BMPR1B: variants seen among roughly 807,000 people sequenced by gnomAD.
BMPR1B encodes the protein bone morphogenetic protein receptor type-1B.
BMPR1B carries 12 observed loss-of-function variants against 59.1 expected under a neutral mutation model. That is an observed-to-expected ratio of 0.20 (90% CI 0.13 to 0.33). BMPR1B has a LOEUF of 0.33. BMPR1B is among the 10% of genes least tolerant of loss of function. BMPR1B has a pLI of 1.00. For missense variants in BMPR1B, 550 were observed against 610.9 expected (o/e 0.90, Z 1.05); for synonymous variants, 237 against 207.3 (o/e 1.14, Z -1.23).
chr4:94,820,040 A>C (rs764082185), intron 1 of BMPR1B, among the ~76,000 whole-genome samples: 3 of 152,144 alleles, frequency 2.0e-5, no homozygotes, highest in Admixed American at 6.5e-5. Flanking sequence ...GAATGAATTG[A>C]ATTTGCCTGA....
intron 3 of BMPR1B, among the ~76,000 whole-genome samples, chr4:95,088,743 G>A (rs1335045880): frequency 3.3e-5 from 5 of 151,654 alleles, no homozygotes; most frequent in South Asian, 2.1e-4. Context: ...ATCATAAATC[G>A]GGCCTATTCA....
intron 2 of BMPR1B, among the ~76,000 whole-genome samples, chr4:94,910,380 G>T (rs1728227568): frequency 6.6e-6 from 1 of 152,066 alleles, no homozygotes. Flanking sequence ...TCAGGTGATA[G>T]TAGTGCTTGG....
chr4:94,948,087 G>A (rs1729786858), intron 2 of BMPR1B, among the ~76,000 whole-genome samples: 1 of 152,138 alleles, frequency 6.6e-6, no homozygotes, highest in South Asian at 2.1e-4. Flanking sequence ...CATCAGACAG[G>A]GTGGAGACAA....
rs1426514305 is a variant in BMPR1B, at chr4:95,154,911, C to G, written c.*238C>G. 3 of 505,414 alleles carry G rather than the reference C, an allele frequency of 5.9e-6. No homozygotes were observed. The highest frequency in any genetic ancestry group is 7.1e-6 in the Non-Finnish European group (2 of 282,964). 31.3% of individuals were successfully genotyped at this position (505,414 alleles called of 1,614,324 possible). On this transcript the variant is annotated 3_prime_UTR_variant, in exon 13 of 13. Coordinates refer to ENST00000515059, the MANE Select transcript of BMPR1B (RefSeq NM_001203.3). ...GGAGAAACCGCTTGGGTAACTTGTT[C>G]AAGATATGATGCATGTTGCTTTCTA...
intron 6 of BMPR1B, among the ~76,000 whole-genome samples, chr4:95,116,867 C>G (rs949890707): frequency 2.0e-5 from 3 of 152,048 alleles, no homozygotes; most frequent in Non-Finnish European, 4.4e-5. Context: ...ACATCAAAGC[C>G]TCACCAGCAT....
chr4:95,008,232 G>T (rs1359755303), intron 3 of BMPR1B, among the ~76,000 whole-genome samples: 2 of 152,178 alleles, frequency 1.3e-5, no homozygotes, highest in African/African-American at 4.8e-5. Flanking sequence ...GCGTGACTAT[G>T]TAGAGTTATA....
chr4:94,803,620 G>A (rs1313628330), intron 1 of BMPR1B, among the ~76,000 whole-genome samples: 2 of 152,004 alleles, frequency 1.3e-5, no homozygotes, highest in African/African-American at 4.8e-5. Context: ...AATTTAGCTC[G>A]GCAGAGATGG....
At chr4:95,092,600 C>T (rs1394137914) in intron 3 of BMPR1B, among the ~76,000 whole-genome samples, 2 of 151,888 alleles carry the variant, frequency 1.3e-5, no homozygotes, top group Admixed American at 1.3e-4. Context: ...AATATTTGAA[C>T]TAGCAATATA....
intron 1 of BMPR1B, among the ~76,000 whole-genome samples, chr4:94,815,698 C>G (rs1251903480): frequency 6.6e-6 from 1 of 152,196 alleles, no homozygotes; most frequent in Non-Finnish European, 1.5e-5. Context: ...TTTACCTACT[C>G]TAAGCATTGG....
chr4:94,970,082 T>C (rs1730713909), intron 2 of BMPR1B, among the ~76,000 whole-genome samples: 1 of 152,212 alleles, frequency 6.6e-6, no homozygotes, highest in Non-Finnish European at 1.5e-5. Context: ...TTTTGTTATA[T>C]ATCTTGTTTT....
chr4:94,797,429 A>G (rs911099777), intron 1 of BMPR1B, among the ~76,000 whole-genome samples: 1 of 152,256 alleles, frequency 6.6e-6, no homozygotes, highest in African/African-American at 2.4e-5. Flanking sequence ...TAAAAGAAAT[A>G]TATATATTGC....
chr4:94,970,431 T>G (rs979779370), intron 2 of BMPR1B, among the ~76,000 whole-genome samples: 1 of 152,028 alleles, frequency 6.6e-6, no homozygotes, highest in African/African-American at 2.4e-5. Context: ...TTCTCCTGCC[T>G]CAGCCTCCCG....
At chr4:94,976,436 C>T (rs1402217452) in intron 2 of BMPR1B, among the ~76,000 whole-genome samples, 4 of 152,146 alleles carry the variant, frequency 2.6e-5, no homozygotes, top group African/African-American at 9.7e-5. Flanking sequence ...GGGGTCATCT[C>T]AGGAAAATAT....
Position 95,109,777 on chromosome 4 carries a change from TACA to T in BMPR1B, c.144-4939_144-4937del, listed in dbSNP as rs1169300661. On this transcript the variant is annotated intron_variant, in intron 4 of 12. Transcript: ENST00000515059. ...AATGTGCAGCTTTGTTACATATGTA[TACA>T]ACATGTGCCATGTTGGTGTGCTGCA... 4.4e-4 allele frequency among the ~76,000 whole-genome samples: 66 copies of T among 151,706 alleles called. 1 individual carries two copies. Among genetic ancestry groups the T allele is most frequent in the Middle Eastern group, 3.4e-3 (1 of 294 alleles).
chr4:94,905,483 TAATC>T (rs1219151561), intron 2 of BMPR1B, among the ~76,000 whole-genome samples: 2 of 151,782 alleles, frequency 1.3e-5, no homozygotes, highest in Non-Finnish European at 2.9e-5. Flanking sequence ...CAGTGAAAAA[TAATC>T]TATATTTTCT....
chr4:94,993,493 C>T (rs1220337183), intron 2 of BMPR1B, among the ~76,000 whole-genome samples: 3 of 151,756 alleles, frequency 2.0e-5, no homozygotes, highest in Non-Finnish European at 2.9e-5. Context: ...GGTGCAGTGG[C>T]TCACGCTTGT....
chr4:94,818,281 A>C (rs1724082832), intron 1 of BMPR1B, among the ~76,000 whole-genome samples: 1 of 152,166 alleles, frequency 6.6e-6, no homozygotes, highest in Non-Finnish European at 1.5e-5. Flanking sequence ...TATACTGCTA[A>C]GTTTGTATCA....
chr4:95,104,720 A>G (rs1391029936), intron 4 of BMPR1B, among the ~76,000 whole-genome samples, 153 bp downstream of exon 4: 2 of 152,116 alleles, frequency 1.3e-5, no homozygotes, highest in Non-Finnish European at 2.9e-5. Flanking sequence ...TTAGAGAAAT[A>G]TTGAATTGTG....
At chr4:94,858,702 CCAAT>C in intron 1 of BMPR1B, among the ~76,000 whole-genome samples, 1 of 152,134 alleles carries the variant, frequency 6.6e-6, no homozygotes, top group Non-Finnish European at 1.5e-5. Flanking sequence ...TGTATTAACT[CCAAT>C]CAAATGAAAA....
Sources: gnomAD v4.1 joint callset for allele counts (sites outside exome capture counted in the v4.1 genomes callset) on GRCh38, gnomAD v4.1.1 for gene constraint, MANE v1.5 for transcripts, NCBI Gene and HGNC (gene_info 2026-07-23, HGNC 2026-07-21) for gene names.